The following MLKL variants were observed in gnomAD, a reference collection of about 807,000 sequenced individuals.
MLKL encodes the protein mixed lineage kinase domain-like protein.
A neutral mutation model predicts 56.5 loss-of-function variants in MLKL; 55 were observed. The ratio of observed to expected loss-of-function variants is 0.97; its 90% CI spans 0.78 to 1.22. The LOEUF is 1.22. Among genes scored for constraint, MLKL ranks in the 50% most tolerant of loss-of-function variants. The probability of loss-of-function intolerance (pLI) is 0.00; values close to 1 mark genes in which losing one functional copy is unlikely to be tolerated. For synonymous variants in MLKL, 251 were observed against 208.3 expected (o/e 1.20, Z -1.76); for missense variants, 694 against 573.9 (o/e 1.21, Z -2.14).
At chr16:74,673,135 G>T (rs2144434801) in intron 10 of MLKL, among the ~76,000 whole-genome samples, 2 of 152,294 alleles carry the variant, frequency 1.3e-5, no homozygotes, top group Middle Eastern at 6.8e-3. Flanking sequence ...CAGTCCTCAT[G>T]CTCAAGACTT....
chr16:74,673,128 TC>T (rs1305153317), intron 10 of MLKL, among the ~76,000 whole-genome samples: 1 of 152,150 alleles, frequency 6.6e-6, no homozygotes, highest in Non-Finnish European at 1.5e-5. Context: ...TGAAGAACAG[TC>T]CTCATGCTCA....
intron 4 of MLKL, among the ~76,000 whole-genome samples, chr16:74,687,691 T>C (rs979608187): frequency 6.6e-6 from 1 of 152,154 alleles, no homozygotes; most frequent in African/African-American, 2.4e-5. Context: ...GTTTTTTTTT[T>C]TGGAACTTGC....
intron 2 of MLKL, among the ~76,000 whole-genome samples, chr16:74,694,829 T>C (rs1341196460): frequency 2.0e-5 from 3 of 152,004 alleles, no homozygotes; most frequent in Admixed American, 1.3e-4. Context: ...GCCCCCACCA[T>C]ATATCTGGGC....
intron 10 of MLKL, among the ~76,000 whole-genome samples, chr16:74,673,530 T>A (rs1481033089): frequency 6.6e-6 from 1 of 152,062 alleles, no homozygotes; most frequent in Admixed American, 6.6e-5. Flanking sequence ...TTCTCTCTTT[T>A]GTCTGGGCTT....
Position 74,682,879 on chromosome 16 carries a change from G to C in MLKL, c.821-93C>G, listed in dbSNP as rs557704925. The C allele has an allele frequency of 3.0e-4, 440 of 1,458,432 alleles. 4 individuals carry two copies. The African/African-American group carries it at 5.3e-3, about 18-fold the overall frequency. 90.3% of individuals were successfully genotyped at this position (1,458,432 alleles called of 1,614,324 possible). On this transcript the variant is annotated intron_variant, in intron 5 of 10. Coordinates refer to ENST00000308807, the MANE Select transcript of MLKL (RefSeq NM_152649.4). ...CTCTCCCAGCCTCGGTACAGATACA[G>C]ACTTGGCTCTGCTGAGTCCCATTTC... is the stretch of plus-strand genomic sequence containing the variant.
Position 74,695,314 on chromosome 16 carries a change from G to C in MLKL, c.444C>G (p.Phe148Leu). 1 of 1,613,654 alleles carries C rather than the reference G, an allele frequency of 6.2e-7. No homozygotes were observed. Among genetic ancestry groups the C allele is most frequent in the South Asian group, 1.1e-5 (1 of 91,086 alleles). ...CCAGCTTGCCTCTTCTTAGCATCTG[G>C]AAAGCTCGCCTGTCTTCGTCTGCAT... ...QQDADEDRRA[F>L]QMLRRDNEKI... The change falls in exon 2 of 11, where the codon TTC (phenylalanine) becomes TTG (leucine). Residue 148 changes from phenylalanine (F) to leucine (L), a missense_variant. Physicochemically the swap from Phe to Leu is conservative, Grantham distance 22. Coordinates refer to ENST00000308807, the MANE Select transcript of MLKL (RefSeq NM_152649.4).
chr16:74,681,892 A>G (rs1051936975), intron 6 of MLKL, among the ~76,000 whole-genome samples: 1 of 152,194 alleles, frequency 6.6e-6, no homozygotes, highest in East Asian at 1.9e-4. Context: ...ACGCATATAT[A>G]TATGTACAAG....
chr16:74,692,770 G>A (rs1343407709), intron 2 of MLKL, among the ~76,000 whole-genome samples: 1 of 152,242 alleles, frequency 6.6e-6, no homozygotes, highest in East Asian at 1.9e-4. Flanking sequence ...ATCCTGGAAG[G>A]AGGACATTCA....
intron 5 of MLKL, 70 bp from the exon 6 acceptor site, chr16:74,682,856 C>A: frequency 6.4e-7 from 1 of 1,560,302 alleles, no homozygotes; most frequent in Admixed American, 1.8e-5. Context: ...CAGCCCACCT[C>A]TCCCAGCCTC....
At chr16:74,676,752 A>G (rs1257570175) in intron 7 of MLKL, 1 of 152,324 alleles carries the variant, frequency 6.6e-6, no homozygotes, top group Non-Finnish European at 1.5e-5. Context: ...AAAACCGTCT[A>G]TGGATGACAA....
intron 1 of MLKL, among the ~76,000 whole-genome samples, chr16:74,697,079 G>A (rs1044493308): frequency 4.0e-5 from 6 of 150,114 alleles, no homozygotes; most frequent in African/African-American, 1.5e-4. Context: ...AGCCTGGTGT[G>A]GTGGCACACA....
At chr16:74,681,582 A>G (rs1185126730) in intron 6 of MLKL, among the ~76,000 whole-genome samples, 2 of 151,694 alleles carry the variant, frequency 1.3e-5, no homozygotes, top group Non-Finnish European at 2.9e-5. Context: ...TCATGAGGTC[A>G]GGAGATCGAT....
chr16:74,689,770 G>T (rs906925544), intron 4 of MLKL, among the ~76,000 whole-genome samples: 1 of 152,046 alleles, frequency 6.6e-6, no homozygotes, highest in African/African-American at 2.4e-5. Flanking sequence ...AATAAATATG[G>T]TACCACAAAT....
chr16:74,695,696 A>C lies in MLKL; in HGVS notation c.62T>G (p.Met21Arg). ...GQVIHKRCEEMKYCKKQCRRL... is the reference protein window; with the variant it reads ...GQVIHKRCEERKYCKKQCRRL... ...CCGGCACTGTTTCTTGCAGTATTTC[A>C]TCTCTTCACACCGTTTGTGGATGAC... is the stretch of plus-strand genomic sequence containing the variant. The change falls in exon 2 of 11, where the codon ATG becomes AGG. Residue 21 changes from methionine to arginine, a missense_variant. Coordinates refer to ENST00000308807, the MANE Select transcript of MLKL (RefSeq NM_152649.4). 1 of 1,614,024 alleles carries C rather than the reference A, an allele frequency of 6.2e-7. No homozygotes were observed. The highest frequency in any genetic ancestry group is 8.5e-7 in the Non-Finnish European group (1 of 1,180,014).
intron 2 of MLKL, 134 bp downstream of exon 2, chr16:74,695,164 G>T (rs1475047370): frequency 1.1e-6 from 1 of 946,210 alleles, no homozygotes; most frequent in Non-Finnish European, 1.6e-6. Context: ...GAGCCATCGC[G>T]CCCAGCTAGG....
intron 4 of MLKL, among the ~76,000 whole-genome samples, chr16:74,686,062 C>T (rs903305306): frequency 2.0e-5 from 3 of 151,602 alleles, no homozygotes; most frequent in African/African-American, 7.3e-5. Flanking sequence ...CAGGTTGAAG[C>T]AATTCTCATG....
At chr16:74,699,268 G>T (rs1961237376) in intron 1 of MLKL, among the ~76,000 whole-genome samples, 1 of 152,168 alleles carries the variant, frequency 6.6e-6, no homozygotes, top group Non-Finnish European at 1.5e-5. Context: ...ATTTAATGCA[G>T]TTCCAATAAA....
At chr16:74,687,718 G>A (rs772256197) in intron 4 of MLKL, among the ~76,000 whole-genome samples, 2 of 152,106 alleles carry the variant, frequency 1.3e-5, no homozygotes, top group Non-Finnish European at 2.9e-5. Context: ...ACCCAGGCTG[G>A]AGTGCAGCGA....
intron 4 of MLKL, among the ~76,000 whole-genome samples, chr16:74,685,898 T>G (rs1207295384): frequency 6.6e-6 from 1 of 152,192 alleles, no homozygotes. Flanking sequence ...AGTCAAGTAT[T>G]TGTTACTGTT....
Sources: gnomAD v4.1 joint callset for allele counts (sites outside exome capture counted in the v4.1 genomes callset) on GRCh38, gnomAD v4.1.1 for gene constraint, MANE v1.5 for transcripts, NCBI Gene and HGNC (gene_info 2026-07-23, HGNC 2026-07-21) for gene names.